Variants in LRP1B observed in about 807,000 individuals in gnomAD.
LRP1B encodes LDL receptor related protein 1B.
Under a neutral mutation model 556.6 loss-of-function variants are expected in LRP1B, and 217 were observed. That is an observed-to-expected ratio of 0.39 (90% CI 0.35 to 0.44). LRP1B has a LOEUF of 0.44. LRP1B is among the 20% of genes least tolerant of loss of function. The probability of loss-of-function intolerance (pLI) is 1.00; values close to 1 mark genes in which losing one functional copy is unlikely to be tolerated. For missense variants in LRP1B, 5,053 were observed against 5,620.8 expected (o/e 0.90, Z 3.23); for synonymous variants, 2,047 against 1,865.8 (o/e 1.10, Z -2.50).
At chr2:140,244,375 T>C (rs990291431) in intron 87 of LRP1B, among the ~76,000 whole-genome samples, 2 of 151,346 alleles carry the variant, frequency 1.3e-5, no homozygotes, top group Non-Finnish European at 3.0e-5. Context: ...ATCTCTACAT[T>C]ACTGCACCAC....
At chr2:140,505,697 C>T (rs541883367) in intron 53 of LRP1B, among the ~76,000 whole-genome samples, 76 of 152,202 alleles carry the variant, frequency 5.0e-4, no homozygotes, top group African/African-American at 1.6e-3. Context: ...TAAGACTTCA[C>T]GCTGAAATAA....
chr2:141,421,381 T>C (rs945420374), intron 3 of LRP1B, among the ~76,000 whole-genome samples: 11 of 151,412 alleles, frequency 7.3e-5, no homozygotes, highest in Non-Finnish European at 1.5e-4. Flanking sequence ...ACAAAAAAAT[T>C]AGCCGGGCGT....
intron 1 of LRP1B, among the ~76,000 whole-genome samples, chr2:141,822,949 T>C (rs916734067): frequency 1.3e-5 from 2 of 152,162 alleles, no homozygotes; most frequent in African/African-American, 4.8e-5. Context: ...TGAAAATAGA[T>C]TAACACATTC....
At chr2:141,298,964 A>AAG (rs1172281360) in intron 3 of LRP1B, among the ~76,000 whole-genome samples, 1 of 151,558 alleles carries the variant, frequency 6.6e-6, no homozygotes, top group East Asian at 1.9e-4. Context: ...TAAAAAAAAA[A>AAG]AAAAAAAACC....
chr2:141,878,219 C>A (rs1192877813), intron 1 of LRP1B, among the ~76,000 whole-genome samples: 1 of 151,836 alleles, frequency 6.6e-6, no homozygotes, highest in East Asian at 1.9e-4. Flanking sequence ...GGCCACCAGC[C>A]AGAATCCTCA....
rs557409290 is a variant in LRP1B at position 141,312,625 on chromosome 2, G to T, written c.344-57984C>A. On this transcript the variant is annotated intron_variant, in intron 3 of 90. Coordinates refer to ENST00000389484, the MANE Select transcript of LRP1B (RefSeq NM_018557.3). The stretch of plus-strand genomic sequence containing the variant: ...ATAGCAACAAAAAATTGACTAAGTT[G>T]CATTAGTAAGTATTTTTCTGAATGT... Among the ~76,000 whole-genome samples, 5 of 152,056 alleles carry T rather than the reference G, an allele frequency of 3.3e-5. 1 individual carries two copies. In the East Asian group the frequency reaches 7.7e-4, roughly 23 times the overall value.
chr2:141,796,656 G>A (rs1255970332), intron 2 of LRP1B, among the ~76,000 whole-genome samples: 1 of 141,444 alleles, frequency 7.1e-6, no homozygotes, highest in African/African-American at 2.6e-5. Flanking sequence ...TACTCAATTT[G>A]GCTGAAATCC....
At chr2:141,523,990 G>A (rs1684610496) in intron 2 of LRP1B, among the ~76,000 whole-genome samples, 1 of 152,114 alleles carries the variant, frequency 6.6e-6, no homozygotes, top group Admixed American at 6.6e-5. Flanking sequence ...TGATAGAAGA[G>A]ATTAAGTATC....
intron 7 of LRP1B, among the ~76,000 whole-genome samples, chr2:141,100,627 G>A (rs1700437316): frequency 1.3e-5 from 2 of 152,154 alleles, no homozygotes; most frequent in East Asian, 3.9e-4. Context: ...AAGATGTGGG[G>A]TACCTAGAAG....
At chr2:141,369,708 T>C (rs1440918458) in intron 3 of LRP1B, among the ~76,000 whole-genome samples, 1 of 152,160 alleles carries the variant, frequency 6.6e-6, no homozygotes, top group Non-Finnish European at 1.5e-5. Flanking sequence ...AATTTTTCTA[T>C]ATTGATATAT....
chr2:141,365,698 G>C (rs1459854640), intron 3 of LRP1B, among the ~76,000 whole-genome samples: 4 of 98,978 alleles, frequency 4.0e-5, no homozygotes, highest in Non-Finnish European at 8.2e-5. Flanking sequence ...TGTTGCCCGG[G>C]CTGGAGTGCA....
chr2:141,436,562 C>A (rs933622029), intron 3 of LRP1B, among the ~76,000 whole-genome samples: 19 of 19,336 alleles, frequency 9.8e-4, no homozygotes, highest in African/African-American at 3.0e-3. Context: ...TTGTTTTCAC[C>A]AGTTAAATTA....
rs1476704849 is a variant in LRP1B at position 140,324,011 on chromosome 2, T to G, written c.12396A>C (p.Gly4132=). 2.5e-6 allele frequency: 4 copies of G among 1,610,378 alleles called. No individual in the cohort carries two copies. Among genetic ancestry groups the G allele is most frequent in the South Asian group, 1.1e-5 (1 of 90,972 alleles). ...GAACTCGAAATACACCATTTTTAGGTCCTGCTCCATATATATAATCTTCAA... is the reference window on the plus strand; with the variant it reads ...GAACTCGAAATACACCATTTTTAGGGCCTGCTCCATATATATAATCTTCAA... ...DIFEDYIYGA[G]PKNGVFRVQK... is the part of the protein sequence containing the mutation. The change falls in exon 81 of 91, where the codon GGA becomes GGC. Residue 4132 remains glycine (G), a synonymous_variant. Transcript: ENST00000389484.
chr2:141,129,682 T>C (rs1701301345), intron 7 of LRP1B, among the ~76,000 whole-genome samples: 1 of 151,972 alleles, frequency 6.6e-6, no homozygotes, highest in Admixed American at 6.6e-5. Context: ...TCATTTTATA[T>C]CTAAAAAACC....
chr2:140,602,214 C>T (rs1280760689), intron 41 of LRP1B, among the ~76,000 whole-genome samples: 1 of 141,216 alleles, frequency 7.1e-6, no homozygotes, highest in Non-Finnish European at 1.6e-5. Context: ...TAAAAAAAAA[C>T]AAAGCAAGAG....
At position 141,822,128 on chromosome 2, in the gene LRP1B, CACAG is replaced by C. The variant is rs1437863680; in HGVS notation, c.83-11731_83-11728del. 1.1e-3 allele frequency among the ~76,000 whole-genome samples: 131 copies of C among 117,126 alleles called. 1 individual carries two copies. Among genetic ancestry groups the C allele is most frequent in the Non-Finnish European group, 1.7e-3 (103 of 59,956 alleles). 76.8% of individuals were successfully genotyped at this position (117,126 alleles called of 152,430 possible). On this transcript the variant is annotated intron_variant, in intron 1 of 90. Transcript: ENST00000389484. ...ACACACACACACACACACACACACA[CACAG>C]AGAGAGAGAGAGAGAGAGAGAGAGA...
intron 41 of LRP1B, among the ~76,000 whole-genome samples, chr2:140,674,188 G>T (rs559580079): frequency 6.6e-6 from 1 of 152,100 alleles, no homozygotes; most frequent in South Asian, 2.1e-4. Flanking sequence ...GCCCTCAGGT[G>T]ATCCACCTGC....
intron 2 of LRP1B, among the ~76,000 whole-genome samples, chr2:141,517,789 C>T (rs1684378981): frequency 6.6e-6 from 1 of 152,108 alleles, no homozygotes; most frequent in African/African-American, 2.4e-5. Context: ...GAAAAGCTTA[C>T]TTCCTAAGAT....
chr2:140,336,597 A>G (rs1681114425), intron 77 of LRP1B, among the ~76,000 whole-genome samples: 1 of 152,000 alleles, frequency 6.6e-6, no homozygotes, highest in Admixed American at 6.6e-5. Flanking sequence ...TTGTTCTACA[A>G]TTGAAAAAAT....
Sources: allele counts gnomAD v4.1 joint callset (sites outside exome capture counted in the v4.1 genomes callset), GRCh38; gene constraint gnomAD v4.1.1; transcripts MANE v1.5; gene names NCBI Gene and HGNC (gene_info 2026-07-23, HGNC 2026-07-21).